Variants in GNB1L observed in about 807,000 individuals in gnomAD.
GNB1L encodes the protein guanine nucleotide-binding protein subunit beta-like protein 1.
GNB1L carries 20 observed loss-of-function variants against 29.1 expected under a neutral mutation model. The observed-to-expected ratio is 0.69, with a 90% CI of 0.48 to 1.00. The LOEUF is 1.00. Among genes scored for constraint, GNB1L ranks in the 50% least tolerant of loss-of-function variants. GNB1L has a pLI of 0.00. For synonymous variants in GNB1L, 193 were observed against 206.5 expected (o/e 0.93, Z 0.56); for missense variants, 421 against 464.9 (o/e 0.91, Z 0.87).
intron 7 of GNB1L, among the ~76,000 whole-genome samples, chr22:19,791,059 T>A (rs9618693): frequency 0.019 from 2,938 of 152,244 alleles, 82 homozygotes; most frequent in African/African-American, 0.061. Context: ...ATAGAGATAC[T>A]GTCTTTACAA....
chr22:19,833,166 A>G (rs1379546053), intron 2 of GNB1L, among the ~76,000 whole-genome samples: 1 of 152,238 alleles, frequency 6.6e-6, no homozygotes, highest in African/African-American at 2.4e-5. Flanking sequence ...CCAACTCTCA[A>G]GGAAAAAGCC....
chr22:19,806,752 C>A lies in GNB1L; in HGVS notation c.423G>T (p.Gln141His), dbSNP rs1387145262. 1 of 1,610,178 alleles carries A rather than the reference C, an allele frequency of 6.2e-7. No homozygotes were observed. The highest frequency in any genetic ancestry group is 8.5e-7 in the Non-Finnish European group (1 of 1,176,662). Residue 141 changes from glutamine (Q) to histidine (H), a missense_variant, in exon 6 of 8, where the codon CAG (glutamine) becomes CAT (histidine). Gln to His is a conservative substitution (Grantham distance 24). Transcript: ENST00000329517. ...ACGTCTTGGAGGGCATCTCCAGAAT[C>A]TGAACCTGACAGTAAGAAAACAAGT... is the stretch of plus-strand genomic sequence containing the variant. Reference protein sequence around the residue: ...AVPGRGSDEVQILEMPSKTSV... With the variant: ...AVPGRGSDEVHILEMPSKTSV...
intron 7 of GNB1L, among the ~76,000 whole-genome samples, chr22:19,797,576 G>A (rs1364760461): frequency 6.6e-6 from 1 of 152,140 alleles, no homozygotes; most frequent in African/African-American, 2.4e-5. Context: ...CTCGCCTGGC[G>A]AGGAGATGCC....
chr22:19,808,215 AC>A lies in GNB1L; in HGVS notation c.418-1459del, dbSNP rs1300382105. 7.2e-5 allele frequency among the ~76,000 whole-genome samples: 11 copies of A among 152,068 alleles called. No individual in the cohort carries two copies. The East Asian group carries it at 2.1e-3, about 29-fold the overall frequency. On this transcript the variant is annotated intron_variant, in intron 5 of 7. Coordinates refer to ENST00000329517, the MANE Select transcript of GNB1L (RefSeq NM_053004.3). Reference sequence around the variant, plus strand: ...GCTCACAGATCTAGGCCCCACACAAACGCATGCACACACACATGCATGGGTA... The same window carrying A: ...GCTCACAGATCTAGGCCCCACACAAAGCATGCACACACACATGCATGGGTA...
chr22:19,809,207 G>A (rs1352373284), intron 5 of GNB1L, among the ~76,000 whole-genome samples: 4 of 151,752 alleles, frequency 2.6e-5, no homozygotes, highest in African/African-American at 7.3e-5. Context: ...GACGTTGAGA[G>A]GACGTTGAGG....
At position 19,799,925 on chromosome 22, in the gene GNB1L, C is replaced by T. The variant is rs527499216; in HGVS notation, c.732+2076G>A. 2.0e-3 allele frequency among the ~76,000 whole-genome samples: 306 copies of T among 152,338 alleles called. 1 individual carries two copies. The highest frequency in any genetic ancestry group is 6.7e-3 in the African/African-American group (280 of 41,568). ...GCAGAGGGTGGCGCATCAGCCTCTCCGGCTCCCTGTCCCCTGTTCCTGGAG... is the reference window on the plus strand; with the variant it reads ...GCAGAGGGTGGCGCATCAGCCTCTCTGGCTCCCTGTCCCCTGTTCCTGGAG... On this transcript the variant is annotated intron_variant, in intron 7 of 7. Coordinates refer to ENST00000329517, the MANE Select transcript of GNB1L (RefSeq NM_053004.3).
chr22:19,847,874 T>C, intron 2 of GNB1L: 1 of 972,516 alleles, frequency 1.0e-6, no homozygotes, highest in Non-Finnish European at 1.2e-6. Context: ...CATTGAAATC[T>C]TTAATCTGGA....
chr22:19,817,882 C>T (rs186056671), intron 4 of GNB1L, among the ~76,000 whole-genome samples: 11 of 152,290 alleles, frequency 7.2e-5, no homozygotes, highest in African/African-American at 2.2e-4. Context: ...TTATACTTCA[C>T]AAGAAAAAAG....
At position 19,803,114 on chromosome 22, in the gene GNB1L, G is replaced by A. The variant is rs138031705; in HGVS notation, c.517-898C>T. Among the ~76,000 whole-genome samples, 580 of 152,338 alleles carry A rather than the reference G, an allele frequency of 3.8e-3. 4 individuals are homozygous for A. The highest frequency in any genetic ancestry group is 0.014 in the African/African-American group (563 of 41,572). On this transcript the variant is annotated intron_variant, in intron 6 of 7. Transcript: ENST00000329517. Reference sequence around the variant, plus strand: ...CATCAGAAGGCTGGTGATGGGAACCGGGGTAGCCAGGCCCGGAGCCCGAGG... The same window carrying A: ...CATCAGAAGGCTGGTGATGGGAACCAGGGTAGCCAGGCCCGGAGCCCGAGG...
intron 2 of GNB1L, among the ~76,000 whole-genome samples, chr22:19,837,615 T>C (rs1425920683): frequency 6.6e-6 from 1 of 152,196 alleles, no homozygotes; most frequent in Non-Finnish European, 1.5e-5. Context: ...ATGAAGTAAT[T>C]GAAACTCTCA....
intron 7 of GNB1L, among the ~76,000 whole-genome samples, chr22:19,795,390 A>G (rs545129060): frequency 6.6e-6 from 1 of 152,308 alleles, no homozygotes; most frequent in African/African-American, 2.4e-5. Context: ...GATATTAAAG[A>G]CTGGAACCAC....
chr22:19,842,094 C>G (rs376971317), intron 2 of GNB1L, among the ~76,000 whole-genome samples: 4 of 152,344 alleles, frequency 2.6e-5, no homozygotes, highest in South Asian at 2.1e-4. Flanking sequence ...CCTGGACAGG[C>G]CTGTCCTGAG....
intron 3 of GNB1L, 37 bp from the exon 4 acceptor site, chr22:19,820,760 G>A: frequency 6.3e-7 from 1 of 1,593,322 alleles, no homozygotes; most frequent in South Asian, 1.1e-5. Context: ...TCAGGGGGCA[G>A]AAGGGTGTGC....
rs1303427231 is a variant in GNB1L, at chr22:19,816,899, C to T, written c.254+3699G>A. ...CTGCCACACCACCCCCCCAACCCTG[C>T]TTCTTTGACTGCCTGGCACCCCCTT... is the stretch of plus-strand genomic sequence containing the variant. On this transcript the variant is annotated intron_variant, in intron 4 of 7. Coordinates refer to ENST00000329517, the MANE Select transcript of GNB1L (RefSeq NM_053004.3). This position sits in a 1 kb window ranked among gnomAD's most constrained non-coding sequence, Gnocchi z 4.4. 1.3e-5 allele frequency among the ~76,000 whole-genome samples: 2 copies of T among 152,214 alleles called. No homozygotes were observed. Among genetic ancestry groups the T allele is most frequent in the African/African-American group, 4.8e-5 (2 of 41,448 alleles).
rs1442109948 is a variant in GNB1L, at chr22:19,831,889, G to T, written c.-20-10514C>A. 4.6e-5 allele frequency among the ~76,000 whole-genome samples: 7 copies of T among 152,194 alleles called. No individual in the cohort carries two copies. The East Asian group carries it at 1.3e-3, about 29-fold the overall frequency. The stretch of plus-strand genomic sequence containing the variant: ...CTATGAAAATGCCCATTAAACACAT[G>T]AAAAGATGTTCAACCAAAAGCTTAC... On this transcript the variant is annotated intron_variant, in intron 2 of 7. Transcript: ENST00000329517.
chr22:19,848,625 C>T (rs7288631), intron 2 of GNB1L: 123,847 of 985,224 alleles, frequency 0.13, 7,937 homozygotes, highest in Middle Eastern at 0.16. Flanking sequence ...AAACAGGACG[C>T]GTTTTAATTA....
intron 2 of GNB1L, chr22:19,847,254 A>C (rs1165376161): frequency 3.0e-6 from 3 of 985,348 alleles, no homozygotes; most frequent in Non-Finnish European, 3.6e-6. Context: ...AGAAATAAGC[A>C]GTGCCAACTG....
chr22:19,819,660 G>A (rs1937562350), intron 4 of GNB1L, among the ~76,000 whole-genome samples: 1 of 152,200 alleles, frequency 6.6e-6, no homozygotes, highest in Non-Finnish European at 1.5e-5. Flanking sequence ...AGAACAGTGG[G>A]GTCTGAATAC....
chr22:19,800,581 C>G (rs1355881181), intron 7 of GNB1L, among the ~76,000 whole-genome samples: 2 of 152,194 alleles, frequency 1.3e-5, no homozygotes, highest in Admixed American at 6.5e-5. Context: ...GAACGGGCAT[C>G]ATGATGATGA....
Sources: allele counts gnomAD v4.1 joint callset (sites outside exome capture counted in the v4.1 genomes callset), GRCh38; gene constraint gnomAD v4.1.1; non-coding constraint Gnocchi (gnomAD v3.1); transcripts MANE v1.5; gene names NCBI Gene and HGNC (gene_info 2026-07-23, HGNC 2026-07-21).